SETX: variants seen among roughly 807,000 people sequenced by gnomAD.
The protein encoded by SETX is helicase senataxin.
Under a neutral mutation model 227.2 loss-of-function variants are expected in SETX, and 90 were observed. The observed-to-expected ratio is 0.40, with a 90% CI of 0.33 to 0.47. SETX has a LOEUF of 0.47. Ranked by LOEUF, SETX falls within the 20% of genes least tolerant of loss-of-function variation. SETX has a pLI of 0.91. For synonymous variants in SETX, 1,210 were observed against 1,113.2 expected (o/e 1.09, Z -1.73); for missense variants, 3,052 against 3,181.5 (o/e 0.96, Z 0.98).
chr9:132,302,521 G>A (rs1214042690), intron 11 of SETX, among the ~76,000 whole-genome samples: 2 of 150,964 alleles, frequency 1.3e-5, no homozygotes, highest in Admixed American at 6.6e-5. Flanking sequence ...TTAGCCAGGC[G>A]TCGTGGCAGG....
intron 7 of SETX, among the ~76,000 whole-genome samples, chr9:132,333,422 C>T (rs369361709): frequency 0.038 from 3,397 of 89,942 alleles, 141 homozygotes; most frequent in Middle Eastern, 0.069. Context: ...TATATACACA[C>T]ACACACACAC....
intron 1 of SETX, among the ~76,000 whole-genome samples, chr9:132,354,552 A>G (rs1848797765): frequency 1.3e-5 from 2 of 151,700 alleles, no homozygotes; most frequent in African/African-American, 4.8e-5. Context: ...TCCAGGCGAG[A>G]GGCAGACGAG....
At chr9:132,300,130 CAAAAAAAAAA>C (rs72582907) in intron 12 of SETX, among the ~76,000 whole-genome samples, 3 of 47,206 alleles carry the variant, frequency 6.4e-5, no homozygotes, top group Admixed American at 2.4e-4. Context: ...AACTCCGTCT[CAAAAAAAAAA>C]AAAAAAAAAA....
chr9:132,326,401 C>T lies in SETX; in HGVS notation c.5197G>A (p.Val1733Met). The T allele has an allele frequency of 1.2e-6, 2 of 1,614,112 alleles. No homozygotes were observed. The highest frequency in any genetic ancestry group is 8.5e-7 in the Non-Finnish European group (1 of 1,179,974). The change falls in exon 10 of 26, where the codon GTG (valine) becomes ATG (methionine). Residue 1733 changes from valine to methionine, a missense_variant. By Grantham distance (21) the Val-to-Met change is conservative. This residue lies in a region of SETX where 239 missense variants were observed against 272.1 expected (regional missense o/e 0.88). Transcript: ENST00000224140. The stretch of plus-strand genomic sequence containing the variant: ...CCATAATTGTGAAATCTGACAGGCA[C>T]AGGTCTTGAGATGGACTGACAAAGA... ...ASLCQSISRP[V>M]PVRFHNYGDY...
At chr9:132,333,494 T>C (rs1448393603) in intron 7 of SETX, among the ~76,000 whole-genome samples, 2 of 150,376 alleles carry the variant, frequency 1.3e-5, no homozygotes, top group Non-Finnish European at 3.0e-5. Context: ...AATATATTTA[T>C]ATTAGAATCT....
chr9:132,261,852 G>A lies in SETX; in HGVS notation c.*2387C>T, dbSNP rs1842423538. The A allele has an allele frequency of 6.5e-6, 1 of 154,620 alleles. No individual in the cohort carries two copies. Among genetic ancestry groups the A allele is most frequent in the Non-Finnish European group, 1.5e-5 (1 of 68,218 alleles). 9.6% of individuals were successfully genotyped at this position (154,620 alleles called of 1,614,324 possible). A position where few individuals can be genotyped will look rare whatever the true frequency, so the allele number is the denominator to read the frequency against. ...AAATAACTAATATTGAAAGAAGACA[G>A]GGAACTTTCTTTTAATGCCATGGCA... On this transcript the variant is annotated 3_prime_UTR_variant, in exon 26 of 26. Coordinates refer to ENST00000224140, the MANE Select transcript of SETX (RefSeq NM_015046.7).
chr9:132,297,091 T>C, intron 13 of SETX, 37 bp from the exon 14 acceptor site: 2 of 1,544,032 alleles, frequency 1.3e-6, no homozygotes, highest in East Asian at 2.3e-5. Context: ...TGAGTTGCTG[T>C]TTCTGTAGTG....
rs534615124 is a variant in SETX, at chr9:132,317,735, T to C, written c.5275-5879A>G. Reference sequence around the variant, plus strand: ...GCCTCTGCCTCCCAAAATGCTGGTATTACAGGCATGAGCCACTGTACCTGG... The same window carrying C: ...GCCTCTGCCTCCCAAAATGCTGGTACTACAGGCATGAGCCACTGTACCTGG... On this transcript the variant is annotated intron_variant, in intron 10 of 25. Transcript: ENST00000224140. Among the ~76,000 whole-genome samples the C allele has an allele frequency of 1.7e-3, 258 of 152,294 alleles. 3 individuals are homozygous for C. The highest frequency in any genetic ancestry group is 5.8e-3 in the Admixed American group (89 of 15,290).
chr9:132,327,918 C>A lies in SETX; in HGVS notation c.3680G>T (p.Cys1227Phe), dbSNP rs750526955. 5 of 1,614,142 alleles carry A rather than the reference C, an allele frequency of 3.1e-6. No individual in the cohort carries two copies. In the East Asian group the frequency reaches 1.1e-4, roughly 36 times the overall value. Reference sequence around the variant, plus strand: ...TTTCCTGATGGGTTCTGTACAAGTACAAAGCTTTGAAGACTTCTTTTGTGA... The same window carrying A: ...TTTCCTGATGGGTTCTGTACAAGTAAAAAGCTTTGAAGACTTCTTTTGTGA... ...TVSQKKSSKL[C>F]TCTEPIRKVP... Residue 1227 changes from cysteine (C) to phenylalanine (F), a missense_variant, in exon 10 of 26, where the codon TGT (cysteine) becomes TTT (phenylalanine). This residue lies in a region of SETX where 1,483 missense variants were observed against 1,312.0 expected (regional missense o/e 1.13). Coordinates refer to ENST00000224140, the MANE Select transcript of SETX (RefSeq NM_015046.7).
chr9:132,329,096 T>C lies in SETX; in HGVS notation c.2502A>G (p.Gly834=), dbSNP rs762818441. ...YSRKDTGVQK[G]DGFIHNLSLD... is the part of the protein sequence containing the mutation. ...AAGAAAGATTGTGTATGAAACCATCTCCTTTCTGAACTCCTGTATCTTTCC... is the reference window on the plus strand; with the variant it reads ...AAGAAAGATTGTGTATGAAACCATCCCCTTTCTGAACTCCTGTATCTTTCC... Residue 834 remains glycine (G), a synonymous_variant, in exon 10 of 26, where the codon GGA becomes GGG. Coordinates refer to ENST00000224140, the MANE Select transcript of SETX (RefSeq NM_015046.7). 116 of 1,610,172 alleles carry C rather than the reference T, an allele frequency of 7.2e-5. No homozygotes were observed. Among genetic ancestry groups the C allele is most frequent in the Non-Finnish European group, 9.6e-5 (113 of 1,179,472 alleles).
chr9:132,306,454 C>T (rs923849268), intron 11 of SETX, among the ~76,000 whole-genome samples: 1 of 152,178 alleles, frequency 6.6e-6, no homozygotes, highest in African/African-American at 2.4e-5. Context: ...TCAGGTGATC[C>T]ACCAGCCTTG....
chr9:132,272,052 T>C (rs1355680363), intron 23 of SETX, among the ~76,000 whole-genome samples: 1 of 151,726 alleles, frequency 6.6e-6, no homozygotes, highest in Non-Finnish European at 1.5e-5. Context: ...CCAGCTAATT[T>C]TTTGTATTTT....
At chr9:132,348,383 A>AC (rs1044531072) in intron 3 of SETX, among the ~76,000 whole-genome samples, 18 of 150,284 alleles carry the variant, frequency 1.2e-4, no homozygotes, top group African/African-American at 3.7e-4. Flanking sequence ...CAAAACAAAA[A>AC]AAAAACAACC....
chr9:132,266,082 G>A (rs1280071342), intron 25 of SETX: 1 of 152,144 alleles, frequency 6.6e-6, no homozygotes, highest in African/African-American at 2.4e-5. Flanking sequence ...CTAGAATTCG[G>A]GTCTCTTTAG....
At position 132,288,560 on chromosome 9, in the gene SETX, G is replaced by A; in HGVS notation, c.6198C>T (p.Asn2066=). The change falls in exon 16 of 26, where the codon AAC becomes AAT. Residue 2066 remains asparagine, a synonymous_variant. Coordinates refer to ENST00000224140, the MANE Select transcript of SETX (RefSeq NM_015046.7). Reference sequence around the variant, plus strand: ...ACATTCAGTACTTACTCATTCTGTGGTTTACTTGGCTGTCCAAACTGAACT... The same window carrying A: ...ACATTCAGTACTTACTCATTCTGTGATTTACTTGGCTGTCCAAACTGAACT... ...VLKFSLDSQV[N]HRMKKELPSH... 1 of 1,611,884 alleles carries A rather than the reference G, an allele frequency of 6.2e-7. No individual in the cohort carries two copies. The highest frequency in any genetic ancestry group is 8.5e-7 in the Non-Finnish European group (1 of 1,178,128).
rs1430823326 is a variant in SETX at position 132,264,340 on chromosome 9, TCTC to T, written c.7930_7932del (p.Glu2644del). On this transcript the variant is annotated inframe_deletion, in exon 26 of 26. Coordinates refer to ENST00000224140, the MANE Select transcript of SETX (RefSeq NM_015046.7). ...GTGTGATGGGTCTCGGAACCACACTTCTCCTGCTCCCCTTCACTGAAAGCCCTG... is the reference window on the plus strand; with the variant it reads ...GTGTGATGGGTCTCGGAACCACACTTCTGCTCCCCTTCACTGAAAGCCCTG... 12 of 1,614,154 alleles carry T rather than the reference TCTC, an allele frequency of 7.4e-6. No individual in the cohort carries two copies. Among genetic ancestry groups the T allele is most frequent in the East Asian group, 2.2e-5 (1 of 44,880 alleles).
At chr9:132,302,439 C>T (rs954897731) in intron 11 of SETX, among the ~76,000 whole-genome samples, 1 of 148,838 alleles carries the variant, frequency 6.7e-6, no homozygotes. Flanking sequence ...ACGGGCGGAT[C>T]ACCTGAGGTC....
At chr9:132,276,285 C>G (rs1262625915) in intron 22 of SETX, among the ~76,000 whole-genome samples, 1 of 152,198 alleles carries the variant, frequency 6.6e-6, no homozygotes, top group Admixed American at 6.5e-5. Context: ...TCCAAGAGGC[C>G]TCATTAAAAC....
At chr9:132,324,867 G>A (rs1396993280) in intron 10 of SETX, among the ~76,000 whole-genome samples, 1 of 152,190 alleles carries the variant, frequency 6.6e-6, no homozygotes, top group Non-Finnish European at 1.5e-5. Flanking sequence ...CTTCTTACCT[G>A]CCTTGAAAAC....
Sources: allele counts gnomAD v4.1 joint callset (sites outside exome capture counted in the v4.1 genomes callset), GRCh38; gene constraint gnomAD v4.1.1; regional missense constraint gnomAD v4.1.1; transcripts MANE v1.5; gene names NCBI Gene and HGNC (gene_info 2026-07-23, HGNC 2026-07-21).